CEP63: variants seen among roughly 807,000 people sequenced by gnomAD.
CEP63 encodes the protein centrosomal protein 63.
Under a neutral mutation model 89.1 loss-of-function variants are expected in CEP63, and 84 were observed. The ratio of observed to expected loss-of-function variants is 0.94; its 90% confidence interval spans 0.79 to 1.13. The LOEUF (loss-of-function observed/expected upper bound fraction) is 1.13, where lower values mean the gene tolerates loss of function less well. Among genes scored for constraint, CEP63 ranks in the 50% most tolerant of loss-of-function variants. The probability of loss-of-function intolerance (pLI) is 0.00; values close to 1 mark genes in which losing one functional copy is unlikely to be tolerated. For synonymous variants in CEP63, 267 were observed against 272.5 expected, an observed-to-expected ratio of 0.98 and a Z score of 0.20; for missense variants, 838 against 813.3, an observed-to-expected ratio of 1.03 and a Z score of -0.37.
chr3:134,629,362 C>T, the CEP63 span: 2 of 469,950 alleles, frequency 4.3e-6, no homozygotes, highest in Non-Finnish European at 7.7e-6. Flanking sequence ...AGCAACAACA[C>T]TCTTGTGATG....
chr3:134,674,498 G>T, the CEP63 span, among the ~76,000 whole-genome samples: 1 of 152,220 alleles, frequency 6.6e-6, no homozygotes, highest in African/African-American at 2.4e-5. Flanking sequence ...AATGGTAAAA[G>T]ACTGAAAGCC....
chr3:134,661,125 T>C, the CEP63 span, among the ~76,000 whole-genome samples: 1 of 152,226 alleles, frequency 6.6e-6, no homozygotes, highest in African/African-American at 2.4e-5. Context: ...AGTGAGTTTC[T>C]TGCAGCCTTC....
At chr3:134,647,241 A>G in the CEP63 span, among the ~76,000 whole-genome samples, 1 of 152,158 alleles carries the variant, frequency 6.6e-6, no homozygotes, top group African/African-American at 2.4e-5. Context: ...CCTCCAGGAG[A>G]GCAGGGGACC....
the CEP63 span, among the ~76,000 whole-genome samples, chr3:134,781,955 C>A: frequency 6.6e-6 from 1 of 152,184 alleles, no homozygotes; most frequent in Non-Finnish European, 1.5e-5. Context: ...AGTAGGCATC[C>A]TTTCTTCTTC....
chr3:134,685,493 A>T, the CEP63 span, among the ~76,000 whole-genome samples: 1 of 152,128 alleles, frequency 6.6e-6, no homozygotes, highest in Non-Finnish European at 1.5e-5. Context: ...CTCTGTGTGT[A>T]TGGGTTATAG....
chr3:134,629,666 G>C, the CEP63 span: 1 of 1,599,052 alleles, frequency 6.3e-7, no homozygotes. Context: ...ATGGCATCTC[G>C]AGGGTGGACT....
intron 3 of CEP63, among the ~76,000 whole-genome samples, chr3:134,529,493 A>G (rs1015218435): frequency 6.6e-6 from 1 of 152,014 alleles, no homozygotes; most frequent in African/African-American, 2.4e-5. Flanking sequence ...GGCACCTGCC[A>G]CCAGGTCTAA....
chr3:134,487,676 A>G (rs1936095158), intron 1 of CEP63, among the ~76,000 whole-genome samples: 1 of 152,182 alleles, frequency 6.6e-6, no homozygotes, highest in African/African-American at 2.4e-5. Context: ...CCCCGCCCCC[A>G]TCAGGAGCTA....
At chr3:134,720,205 T>C in the CEP63 span, among the ~76,000 whole-genome samples, 2 of 152,200 alleles carry the variant, frequency 1.3e-5, no homozygotes, top group Non-Finnish European at 2.9e-5. Context: ...TGCATTTCTC[T>C]AATAACCAAT....
chr3:134,530,756 C>G (rs1949706240), intron 3 of CEP63, among the ~76,000 whole-genome samples: 1 of 152,006 alleles, frequency 6.6e-6, no homozygotes, highest in African/African-American at 2.4e-5. Flanking sequence ...TTTAGAATGA[C>G]TTTTTCAAGT....
At chr3:134,608,124 T>C in the CEP63 span, 2 of 1,132,278 alleles carry the variant, frequency 1.8e-6, no homozygotes, top group Non-Finnish European at 2.2e-6. Context: ...CCTTGCTGGT[T>C]GGACCACCAA....
chr3:134,678,093 G>T, the CEP63 span, among the ~76,000 whole-genome samples: 1 of 152,016 alleles, frequency 6.6e-6, no homozygotes, highest in Admixed American at 6.5e-5. Flanking sequence ...ACCTGGTGCT[G>T]GGCTCCCACC....
chr3:134,575,221 CCCTCCCTCCCTCCCTTCCTTCCTT>C (rs1366451058), downstream of CEP63, among the ~76,000 whole-genome samples: 6 of 16,016 alleles, frequency 3.7e-4, no homozygotes, highest in African/African-American at 1.0e-3. Flanking sequence ...CTCCCTCCCT[CCCTCCCTCCCTCCCTTCCTTCCTT>C]CCTTCCTTCC....
chr3:134,649,233 T>C, the CEP63 span, among the ~76,000 whole-genome samples: 21 of 152,214 alleles, frequency 1.4e-4, 1 homozygote, highest in Admixed American at 1.4e-3. Flanking sequence ...GGGTCTTTTT[T>C]TCTCTGTCAT....
the CEP63 span, among the ~76,000 whole-genome samples, chr3:134,708,020 G>C: frequency 1.3e-5 from 2 of 152,264 alleles, 1 homozygote; most frequent in South Asian, 4.1e-4. Flanking sequence ...ACATGTGTAT[G>C]CAAGGGAGGG....
At chr3:134,552,352 C>T (rs1038580372) in intron 12 of CEP63, 3 of 177,076 alleles carry the variant, frequency 1.7e-5, no homozygotes, top group East Asian at 1.6e-4. Flanking sequence ...CACAGGCATG[C>T]GCCACCACAC....
intron 10 of CEP63, among the ~76,000 whole-genome samples, chr3:134,584,956 GTTTTTTTTTTTT>G (rs780691730): frequency 2.8e-5 from 1 of 36,038 alleles, no homozygotes; most frequent in Non-Finnish European, 5.7e-5. Context: ...ATTTTCTAGG[GTTTTTTTTTTTT>G]TTTTTTGCAT....
chr3:134,604,926 C>T, the CEP63 span, among the ~76,000 whole-genome samples: 50 of 152,274 alleles, frequency 3.3e-4, no homozygotes, highest in East Asian at 1.2e-3. Flanking sequence ...GTCATGTCAA[C>T]GCATTGTCCT....
chr3:134,651,081 C>G, the CEP63 span: 1 of 1,528,450 alleles, frequency 6.5e-7, no homozygotes, highest in East Asian at 2.5e-5. Flanking sequence ...AGAGGGCGCT[C>G]CCCCGCCGCT....
Sources: allele counts gnomAD v4.1 joint callset (sites outside exome capture counted in the v4.1 genomes callset), GRCh38; gene constraint gnomAD v4.1.1; transcripts MANE v1.5; gene names NCBI Gene and HGNC (gene_info 2026-07-23, HGNC 2026-07-21).